The following RALGPS1 variants were observed in gnomAD, a reference collection of about 807,000 sequenced individuals.
RALGPS1 encodes ras-specific guanine nucleotide-releasing factor RalGPS1.
In RALGPS1, 19 loss-of-function variants were observed where a neutral mutation model predicts 78.8. The observed-to-expected ratio is 0.24, with a 90% CI of 0.17 to 0.35. RALGPS1 has a LOEUF of 0.35. RALGPS1 is among the 10% of genes least tolerant of loss of function. RALGPS1 has a pLI of 1.00. For synonymous variants in RALGPS1, 228 were observed against 256.3 expected, an observed-to-expected ratio of 0.89 and a Z score of 1.06; for missense variants, 454 against 688.3, an observed-to-expected ratio of 0.66 and a Z score of 3.81.
At chr9:127,136,915 G>A (rs768012888) in intron 8 of RALGPS1, among the ~76,000 whole-genome samples, 8 of 152,190 alleles carry the variant, frequency 5.3e-5, no homozygotes, top group Non-Finnish European at 1.2e-4. Flanking sequence ...GTTCTTGTCA[G>A]CAGGGACTCA....
At chr9:127,107,985 C>T (rs746489422) in intron 8 of RALGPS1, 18 of 1,583,070 alleles carry the variant, frequency 1.1e-5, no homozygotes, top group Non-Finnish European at 1.6e-5. Context: ...GTGGCAGCAC[C>T]TTCAGGTTCT....
intron 8 of RALGPS1, among the ~76,000 whole-genome samples, chr9:127,130,684 T>C (rs1375572943): frequency 6.6e-6 from 1 of 152,250 alleles, no homozygotes; most frequent in African/African-American, 2.4e-5. Flanking sequence ...CACTGAGCAC[T>C]TATTGATCCT....
At chr9:127,062,055 T>C (rs1429478269) in intron 7 of RALGPS1, among the ~76,000 whole-genome samples, 1 of 152,238 alleles carries the variant, frequency 6.6e-6, no homozygotes, top group African/African-American at 2.4e-5. Context: ...ATTGGATACA[T>C]GTATGTATAT....
intron 12 of RALGPS1, 128 bp downstream of exon 12, chr9:127,195,345 C>T: frequency 7.8e-7 from 1 of 1,289,146 alleles, no homozygotes; most frequent in Non-Finnish European, 1.1e-6. Context: ...CTGATGAGAG[C>T]TCTTGGAATC....
rs192388528 is a variant in RALGPS1, at chr9:127,087,236, G to A, written c.610+17880G>A. 3 of 152,468 alleles carry A rather than the reference G, an allele frequency of 2.0e-5. No individual in the cohort carries two copies. In the East Asian group the frequency reaches 5.8e-4, roughly 30 times the overall value. The allele number at this position is 152,468 out of a possible 1,614,324, so 9.4% of individuals were successfully genotyped here. A position where few individuals can be genotyped will look rare whatever the true frequency, so the allele number is the denominator to read the frequency against. On this transcript the variant is annotated intron_variant, in intron 8 of 18. Transcript: ENST00000259351. ...GGGTGGGTGTGATTTAAATGATTCT[G>A]GTGTGTGTCCTGGTGCCGAATCTCT...
chr9:126,943,008 T>C (rs1454820837), intron 1 of RALGPS1, among the ~76,000 whole-genome samples: 1 of 152,234 alleles, frequency 6.6e-6, no homozygotes, highest in Non-Finnish European at 1.5e-5. Context: ...TTGTTGATTT[T>C]ATAGCTGGAT....
At chr9:126,967,442 C>G (rs1459300499) in intron 3 of RALGPS1, among the ~76,000 whole-genome samples, 1 of 152,202 alleles carries the variant, frequency 6.6e-6, no homozygotes, top group Non-Finnish European at 1.5e-5. Flanking sequence ...TTAGGACTTT[C>G]ACTGGGCTAA....
chr9:127,163,910 T>G (rs1379575503), intron 8 of RALGPS1, among the ~76,000 whole-genome samples: 1 of 152,220 alleles, frequency 6.6e-6, no homozygotes, highest in African/African-American at 2.4e-5. Flanking sequence ...AATTTCCCCC[T>G]GATTACCATT....
At chr9:127,011,124 C>T (rs1314914631) in intron 4 of RALGPS1, among the ~76,000 whole-genome samples, 2 of 152,078 alleles carry the variant, frequency 1.3e-5, no homozygotes, top group African/African-American at 2.4e-5. Flanking sequence ...GGGGTTTGCC[C>T]TGGCGGCTGG....
chr9:126,926,619 TG>T (rs2035305400), intron 1 of RALGPS1, among the ~76,000 whole-genome samples: 1 of 151,836 alleles, frequency 6.6e-6, no homozygotes, highest in East Asian at 1.9e-4. Context: ...GGAGTGTAGG[TG>T]TTGTCTTGTG....
At chr9:127,010,596 G>T (rs2044251226) in intron 4 of RALGPS1, among the ~76,000 whole-genome samples, 1 of 152,138 alleles carries the variant, frequency 6.6e-6, no homozygotes, top group South Asian at 2.1e-4. Flanking sequence ...GGCCCTTCTG[G>T]CTTTGAGAGC....
Position 127,104,248 on chromosome 9 carries a change from G to A in RALGPS1, c.610+34892G>A, listed in dbSNP as rs116687832. Among the ~76,000 whole-genome samples the A allele has an allele frequency of 4.0e-3, 615 of 152,330 alleles. 6 individuals carry two copies. Among genetic ancestry groups the A allele is most frequent in the African/African-American group, 0.014 (591 of 41,580 alleles). ...GATTAGTTTCTGACAAAGCCCGTCT[G>A]TGGCAGCTGCTGTTGGCGCTGTCCT... On this transcript the variant is annotated intron_variant, in intron 8 of 18. Coordinates refer to ENST00000259351, the MANE Select transcript of RALGPS1 (RefSeq NM_014636.3).
At chr9:127,185,819 C>T (rs1256744510) in intron 11 of RALGPS1, among the ~76,000 whole-genome samples, 1 of 152,142 alleles carries the variant, frequency 6.6e-6, no homozygotes, top group Non-Finnish European at 1.5e-5. Context: ...GCTCCTGCCC[C>T]CGAGGTCAGG....
Position 126,977,874 on chromosome 9 carries a change from C to G in RALGPS1, c.216+129C>G. ...TAAATGCATGTTATCCATTTAAACC[C>G]CATTCTATTCTTGATGGTGCTCATG... On this transcript the variant is annotated intron_variant, in intron 4 of 18. Transcript: ENST00000259351. The G allele has an allele frequency of 6.4e-6, 4 of 621,818 alleles. No individual in the cohort carries two copies. In the South Asian group the frequency reaches 9.2e-5, roughly 14 times the overall value. The allele number at this position is 621,818 out of a possible 1,614,324, so 38.5% of individuals were successfully genotyped here.
At chr9:126,949,796 G>A (rs1480424766) in intron 1 of RALGPS1, among the ~76,000 whole-genome samples, 1 of 151,196 alleles carries the variant, frequency 6.6e-6, no homozygotes, top group Non-Finnish European at 1.5e-5. Flanking sequence ...TTCTTTTGCT[G>A]TGCAGAAGCT....
chr9:127,089,908 G>A, intron 8 of RALGPS1, among the ~76,000 whole-genome samples: 1 of 152,194 alleles, frequency 6.6e-6, no homozygotes, highest in East Asian at 1.9e-4. Flanking sequence ...TTTCCTGACT[G>A]GGCCTGGCAA....
intron 4 of RALGPS1, chr9:127,016,742 G>C (rs1367554905): frequency 6.6e-6 from 1 of 152,184 alleles, no homozygotes; most frequent in Non-Finnish European, 1.5e-5. Context: ...GTCATCATCT[G>C]TTCAGTCTTC....
At chr9:127,093,963 C>T in intron 8 of RALGPS1, 1 of 1,597,494 alleles carries the variant, frequency 6.3e-7, no homozygotes, top group South Asian at 1.1e-5. Flanking sequence ...CACAGACCTG[C>T]CTGTCACCAG....
chr9:127,047,543 A>T (rs1218536630), intron 5 of RALGPS1, among the ~76,000 whole-genome samples: 1 of 152,108 alleles, frequency 6.6e-6, no homozygotes, highest in Non-Finnish European at 1.5e-5. Flanking sequence ...TACTAAAAAT[A>T]CAAAAATTAG....
Sources: allele counts gnomAD v4.1 joint callset (sites outside exome capture counted in the v4.1 genomes callset), GRCh38; gene constraint gnomAD v4.1.1; transcripts MANE v1.5; gene names NCBI Gene and HGNC (gene_info 2026-07-23, HGNC 2026-07-21).